TACR3: variants seen among roughly 807,000 people sequenced by gnomAD.
TACR3 encodes tachykinin receptor 3, also known as neuromedin-K receptor.
Under a neutral mutation model 35.0 loss-of-function variants are expected in TACR3, and 34 were observed. The ratio of observed to expected loss-of-function variants is 0.97; its 90% CI spans 0.74 to 1.30. The LOEUF (loss-of-function observed/expected upper bound fraction) is 1.30. Among genes scored for constraint, TACR3 ranks in the 50% most tolerant of loss-of-function variants. The pLI, the probability that TACR3 is intolerant of heterozygous loss-of-function variation, is 0.00. For missense variants in TACR3, 558 were observed against 591.7 expected (o/e 0.94, Z 0.59); for synonymous variants, 233 against 221.1 (o/e 1.05, Z -0.48).
intron 1 of TACR3, among the ~76,000 whole-genome samples, chr4:103,711,090 T>C (rs1359061563): frequency 3.9e-5 from 6 of 152,180 alleles, no homozygotes; most frequent in African/African-American, 1.4e-4. Flanking sequence ...CCATTCCTTA[T>C]GAAACTATTC....
chr4:103,603,931 G>C (rs1680310461), intron 3 of TACR3, among the ~76,000 whole-genome samples: 1 of 152,178 alleles, frequency 6.6e-6, no homozygotes, highest in Admixed American at 6.5e-5. Flanking sequence ...CTCATGGATA[G>C]GAAGAATCAG....
At chr4:103,601,491 T>A (rs1019664816) in intron 3 of TACR3, among the ~76,000 whole-genome samples, 9 of 152,200 alleles carry the variant, frequency 5.9e-5, no homozygotes, top group Admixed American at 3.9e-4. Context: ...TGATGGTCTT[T>A]GCAATTTGGC....
intron 1 of TACR3, among the ~76,000 whole-genome samples, chr4:103,673,196 G>A (rs1486144275): frequency 2.0e-5 from 3 of 152,138 alleles, no homozygotes; most frequent in Non-Finnish European, 2.9e-5. Flanking sequence ...CACTGGAGTA[G>A]CACTTTTAAT....
chr4:103,635,780 C>T (rs1725174128), intron 3 of TACR3, among the ~76,000 whole-genome samples: 1 of 151,526 alleles, frequency 6.6e-6, no homozygotes, highest in Admixed American at 6.6e-5. Context: ...TTAGAGGTAG[C>T]TCTTATTATT....
chr4:103,684,646 A>T (rs969385635), intron 1 of TACR3, among the ~76,000 whole-genome samples: 1 of 152,118 alleles, frequency 6.6e-6, no homozygotes, highest in African/African-American at 2.4e-5. Flanking sequence ...TACATATTTA[A>T]TGCAATTACA....
At chr4:103,602,206 G>A (rs977251541) in intron 3 of TACR3, among the ~76,000 whole-genome samples, 4 of 151,978 alleles carry the variant, frequency 2.6e-5, no homozygotes, top group South Asian at 2.1e-4. Context: ...CATTCGTCAC[G>A]TAGCTCTCGT....
At chr4:103,688,218 C>T (rs1217797917) in intron 1 of TACR3, among the ~76,000 whole-genome samples, 1 of 152,114 alleles carries the variant, frequency 6.6e-6, no homozygotes, top group Non-Finnish European at 1.5e-5. Flanking sequence ...AAACTGGATC[C>T]CTTCCTTACA....
rs1429711875 is a variant in TACR3, at chr4:103,629,208, C to T, written c.888+26986G>A. Among the ~76,000 whole-genome samples, 4 of 152,248 alleles carry T rather than the reference C, an allele frequency of 2.6e-5. No homozygotes were observed. The East Asian group carries it at 5.8e-4, about 22-fold the overall frequency. ...ATACTGAATGGGCAAAAACTGGAAG[C>T]ATTCCCTTTGAAAACTGGCACAAGA... On this transcript the variant is annotated intron_variant, in intron 3 of 4. Coordinates refer to ENST00000304883, the MANE Select transcript of TACR3 (RefSeq NM_001059.3).
At chr4:103,605,868 C>T (rs928299958) in intron 3 of TACR3, among the ~76,000 whole-genome samples, 1 of 152,260 alleles carries the variant, frequency 6.6e-6, no homozygotes, top group East Asian at 1.9e-4. Context: ...GTTGCCATGG[C>T]TTTTGGTGTT....
chr4:103,598,525 G>A (rs1386752759), intron 3 of TACR3, among the ~76,000 whole-genome samples: 1 of 152,100 alleles, frequency 6.6e-6, no homozygotes, highest in Non-Finnish European at 1.5e-5. Flanking sequence ...TGAAGTCCTT[G>A]CCCATGCCTA....
chr4:103,590,783 A>G (rs373353240), intron 4 of TACR3, among the ~76,000 whole-genome samples: 1 of 152,202 alleles, frequency 6.6e-6, no homozygotes, highest in Non-Finnish European at 1.5e-5. Flanking sequence ...CTATCCCTTC[A>G]TGTGCTGACC....
chr4:103,615,784 T>C (rs1724643610), intron 3 of TACR3, among the ~76,000 whole-genome samples: 1 of 152,214 alleles, frequency 6.6e-6, no homozygotes, highest in South Asian at 2.1e-4. Flanking sequence ...ATTTAATTCT[T>C]AACTGTAATA....
intron 1 of TACR3, among the ~76,000 whole-genome samples, chr4:103,682,911 T>C (rs1722131894): frequency 6.6e-6 from 1 of 152,152 alleles, no homozygotes; most frequent in East Asian, 1.9e-4. Flanking sequence ...AGAGAAAATC[T>C]AGAGCTAACC....
At chr4:103,713,308 A>G (rs930239126) in intron 1 of TACR3, among the ~76,000 whole-genome samples, 1 of 151,810 alleles carries the variant, frequency 6.6e-6, no homozygotes, top group African/African-American at 2.4e-5. Flanking sequence ...AAATATGATG[A>G]GTTGTCCTTT....
chr4:103,670,642 T>C (rs1726038303), intron 1 of TACR3, among the ~76,000 whole-genome samples: 1 of 152,082 alleles, frequency 6.6e-6, no homozygotes, highest in Non-Finnish European at 1.5e-5. Flanking sequence ...GGAATGCTAT[T>C]GATTTTTGTA....
At chr4:103,685,102 T>G (rs923055163) in intron 1 of TACR3, among the ~76,000 whole-genome samples, 3 of 151,976 alleles carry the variant, frequency 2.0e-5, no homozygotes, top group Admixed American at 2.0e-4. Context: ...GTTGGGGGAA[T>G]CACTCTATCA....
chr4:103,658,666 A>G (rs1725779079), intron 1 of TACR3, among the ~76,000 whole-genome samples: 1 of 152,092 alleles, frequency 6.6e-6, no homozygotes, highest in African/African-American at 2.4e-5. Context: ...TAAAATTGAA[A>G]TAAGAACACC....
rs982908366 is a variant in TACR3 at position 103,608,081 on chromosome 4, T to C, written c.889-16398A>G. Among the ~76,000 whole-genome samples the C allele has an allele frequency of 1.4e-4, 21 of 152,074 alleles. 1 individual carries two copies. Among genetic ancestry groups the C allele is most frequent in the Middle Eastern group, 3.2e-3 (1 of 316 alleles). On this transcript the variant is annotated intron_variant, in intron 3 of 4. Transcript: ENST00000304883. Reference sequence around the variant, plus strand: ...GGATACATACCTAAAAGAAAATAAATCATTCTATCAAAATGACACACGCAC... The same window carrying C: ...GGATACATACCTAAAAGAAAATAAACCATTCTATCAAAATGACACACGCAC...
Position 103,658,402 on chromosome 4 carries a change from A to G in TACR3, c.550T>C (p.Tyr184His). The G allele has an allele frequency of 1.2e-6, 2 of 1,613,018 alleles. No homozygotes were observed. The highest frequency in any genetic ancestry group is 1.7e-6 in the Non-Finnish European group (2 of 1,179,292). The change falls in exon 2 of 5, where the codon TAT becomes CAT. Residue 184 changes from tyrosine (Y) to histidine (H), a missense_variant and splice_region_variant. Transcript: ENST00000304883. Reference protein sequence around the residue: ...YSMTAIAVDRYMAIIDPLKPR... With the variant: ...YSMTAIAVDRHMAIIDPLKPR... ...TTCAAGGGATCAATAATAGCCATAT[A>G]CCTATATAAAAACAAACAAAACCAT...
Sources: allele counts gnomAD v4.1 joint callset (sites outside exome capture counted in the v4.1 genomes callset), GRCh38; gene constraint gnomAD v4.1.1; transcripts MANE v1.5; gene names NCBI Gene and HGNC (gene_info 2026-07-23, HGNC 2026-07-21).